The following SCYL1 variants were observed in gnomAD, a reference collection of about 807,000 sequenced individuals.
SCYL1 encodes N-terminal kinase-like protein.
In SCYL1, 85 loss-of-function variants were observed where a neutral mutation model predicts 94.8. The observed-to-expected ratio is 0.90, with a 90% CI of 0.75 to 1.07. The LOEUF is 1.07. Ranked by LOEUF, SCYL1 falls within the 50% of genes least tolerant of loss-of-function variation. The pLI, the probability that SCYL1 is intolerant of heterozygous loss-of-function variation, is 0.00. For synonymous variants in SCYL1, 459 were observed against 435.5 expected, an observed-to-expected ratio of 1.05 and a Z score of -0.67; for missense variants, 968 against 1,083.3, an observed-to-expected ratio of 0.89 and a Z score of 1.49.
Position 65,538,431 on chromosome 11 carries a change from C to G in SCYL1, c.2303-11C>G. 2 of 1,546,986 alleles carry G rather than the reference C, an allele frequency of 1.3e-6. No homozygotes were observed. Among genetic ancestry groups the G allele is most frequent in the Non-Finnish European group, 1.7e-6 (2 of 1,145,298 alleles). Reference sequence around the variant, plus strand: ...GAGAGCTGAGACCGGGGCTCCCCTTCCTGACGCCAGGACAGGTCAAGGCTG... The same window carrying G: ...GAGAGCTGAGACCGGGGCTCCCCTTGCTGACGCCAGGACAGGTCAAGGCTG... On this transcript the variant is annotated splice_polypyrimidine_tract_variant and intron_variant, in intron 17 of 17. Transcript: ENST00000270176.
chr11:65,536,318 C>A lies in SCYL1; in HGVS notation c.1635C>A (p.Thr545=). 1 of 1,614,082 alleles carries A rather than the reference C, an allele frequency of 6.2e-7. No individual in the cohort carries two copies. The highest frequency in any genetic ancestry group is 8.5e-7 in the Non-Finnish European group (1 of 1,179,962). The change falls in exon 12 of 18, where the codon ACC becomes ACA. Residue 545 remains threonine (T), a synonymous_variant. Coordinates refer to ENST00000270176, the MANE Select transcript of SCYL1 (RefSeq NM_020680.4). ...TGGAGTCTGTGTCGGAGGACCCGAC[C>A]CAGCTGGAGGAAGTGGGTGAGTGGC... ...SKLESVSEDP[T]QLEEVEKDVH...
rs746855699 is a variant in SCYL1 at position 65,526,951 on chromosome 11, CT to C, written c.694-10del. Reference sequence around the variant, plus strand: ...GCTACCCCTGCCCTGACACTGACCCCTCCCCTACAGATCCCCAAAACGCTGG... The same window carrying C: ...GCTACCCCTGCCCTGACACTGACCCCCCCCTACAGATCCCCAAAACGCTGG... On this transcript the variant is annotated splice_polypyrimidine_tract_variant and intron_variant, in intron 5 of 17. Transcript: ENST00000270176. The surrounding 1 kb of genome is among the most constrained non-coding windows in gnomAD (Gnocchi z 4.1). The C allele has an allele frequency of 3.7e-6, 6 of 1,610,920 alleles. No homozygotes were observed. In the South Asian group the frequency reaches 6.6e-5, roughly 18 times the overall value.
In SCYL1 at chr11:65,526,924, T is replaced by C. The variant is rs1254220927; in HGVS notation, c.694-38T>C. Reference sequence around the variant, plus strand: ...GCCCTGCCTCAGCCCCTCTGCCAGCTGGCTACCCCTGCCCTGACACTGACC... The same window carrying C: ...GCCCTGCCTCAGCCCCTCTGCCAGCCGGCTACCCCTGCCCTGACACTGACC... On this transcript the variant is annotated intron_variant, in intron 5 of 17. Transcript: ENST00000270176. The surrounding 1 kb of genome is among the most constrained non-coding windows in gnomAD (Gnocchi z 4.1). 8.7e-6 allele frequency: 14 copies of C among 1,610,078 alleles called. No individual in the cohort carries two copies. Among genetic ancestry groups the C allele is most frequent in the East Asian group, 6.7e-5 (3 of 44,758 alleles).
rs770286187 is a variant in SCYL1, at chr11:65,532,751, C to T, written c.1176C>T (p.His392=). The change falls in exon 9 of 18, where the codon CAC becomes CAT. Residue 392 remains histidine, a synonymous_variant. Coordinates refer to ENST00000270176, the MANE Select transcript of SCYL1 (RefSeq NM_020680.4). ...EPTVNTQIFP[H]VVHGFLDTNP... is the part of the protein sequence containing the mutation. The stretch of plus-strand genomic sequence containing the variant: ...CAGTCAACACCCAGATCTTCCCCCA[C>T]GTCGTACATGGCTTCCTGGACACCA... The T allele has an allele frequency of 3.0e-5, 48 of 1,614,052 alleles. No homozygotes were observed. The highest frequency in any genetic ancestry group is 2.1e-4 in the South Asian group (19 of 91,092).
At chr11:65,535,087 A>ACAGGGC in intron 9 of SCYL1, 140 bp from the exon 10 acceptor site, 2 of 1,046,802 alleles carry the variant, frequency 1.9e-6, no homozygotes, top group Non-Finnish European at 2.7e-6. Context: ...AACATGCTGG[A>ACAGGGC]CAGGGCCAGG....
chr11:65,532,648 T>C (rs1590733987), intron 8 of SCYL1, 44 bp from the exon 9 acceptor site: 25 of 1,481,102 alleles, frequency 1.7e-5, no homozygotes, highest in Non-Finnish European at 2.4e-5. Context: ...GGGGATAGAG[T>C]GGGAAGGGCT....
intron 14 of SCYL1, 91 bp from the exon 15 acceptor site, chr11:65,537,716 CAG>C: frequency 8.9e-7 from 1 of 1,120,408 alleles, no homozygotes; most frequent in Non-Finnish European, 1.3e-6. Flanking sequence ...AGGCAAAAGA[CAG>C]TGGTGGGGCC....
chr11:65,526,448 T>C lies in SCYL1; in HGVS notation c.602+98T>C. ...TAGTTGGCACTCCCCTGTTCCCTGC[T>C]GCCTGGCTGGGGAGGGAATCAGTGT... On this transcript the variant is annotated intron_variant, in intron 4 of 17. Transcript: ENST00000270176. The surrounding 1 kb of genome is among the most constrained non-coding windows in gnomAD (Gnocchi z 4.1). 1 of 990,016 alleles carries C rather than the reference T, an allele frequency of 1.0e-6. No homozygotes were observed. The highest frequency in any genetic ancestry group is 1.5e-6 in the Non-Finnish European group (1 of 675,386). 61.3% of individuals were successfully genotyped at this position (990,016 alleles called of 1,614,324 possible). A position where few individuals can be genotyped will look rare whatever the true frequency, so the allele number is the denominator to read the frequency against.
At chr11:65,527,197 T>C (rs1002061021) in intron 6 of SCYL1, 80 bp downstream of exon 6, 17 of 1,509,228 alleles carry the variant, frequency 1.1e-5, no homozygotes, top group African/African-American at 5.5e-5. Flanking sequence ...TACCTCACAA[T>C]TGACCCTCAG....
In SCYL1 at chr11:65,538,422, G is replaced by A. The variant is rs1417178133; in HGVS notation, c.2303-20G>A. On this transcript the variant is annotated intron_variant, in intron 17 of 17. Transcript: ENST00000270176. ...CACTGGCTGGAGAGCTGAGACCGGG[G>A]CTCCCCTTCCTGACGCCAGGACAGG... 6.5e-7 allele frequency: 1 copy of A among 1,544,422 alleles called. No individual in the cohort carries two copies. Among genetic ancestry groups the A allele is most frequent in the Admixed American group, 2.0e-5 (1 of 50,964 alleles).
chr11:65,527,597 G>T (rs1855148642), intron 6 of SCYL1, among the ~76,000 whole-genome samples: 1 of 151,908 alleles, frequency 6.6e-6, no homozygotes, highest in Non-Finnish European at 1.5e-5. Flanking sequence ...AAAATCAGCT[G>T]GGCGGGCATC....
chr11:65,528,256 C>T (rs1177774411), intron 6 of SCYL1, among the ~76,000 whole-genome samples: 1 of 150,226 alleles, frequency 6.7e-6, no homozygotes, highest in African/African-American at 2.5e-5. Context: ...CAGCTGACGA[C>T]ATGGAGAAAC....
intron 14 of SCYL1, 22 bp downstream of exon 14, chr11:65,537,150 TCCCCAGGGGA>T: frequency 6.2e-7 from 1 of 1,612,848 alleles, no homozygotes; most frequent in African/African-American, 1.3e-5. Context: ...TGAGGGAGCC[TCCCCAGGGGA>T]CCCCAGCTCA....
At chr11:65,525,483 G>T (rs1855026777) in intron 1 of SCYL1, 91 bp from the exon 2 acceptor site, 1 of 1,503,660 alleles carries the variant, frequency 6.7e-7, no homozygotes, top group Non-Finnish European at 8.9e-7. Flanking sequence ...TGTCCCTAAG[G>T]CTGACCTGGG....
intron 6 of SCYL1, among the ~76,000 whole-genome samples, chr11:65,530,181 C>T (rs1328277760): frequency 6.6e-6 from 1 of 152,158 alleles, no homozygotes; most frequent in Non-Finnish European, 1.5e-5. Context: ...GGCAGGGAAA[C>T]CAAGTAAGCC....
chr11:65,536,876 C>A, intron 13 of SCYL1, 110 bp from the exon 14 acceptor site: 2 of 1,310,808 alleles, frequency 1.5e-6, no homozygotes, highest in South Asian at 1.3e-5. Context: ...AGGCTCCAGT[C>A]ACCCTGTGGG....
intron 9 of SCYL1, among the ~76,000 whole-genome samples, chr11:65,533,980 A>G (rs776626530): frequency 1.1e-4 from 16 of 152,136 alleles, no homozygotes; most frequent in Non-Finnish European, 2.2e-4. Context: ...CTGTAATCCC[A>G]GACTTTGGGA....
Position 65,530,708 on chromosome 11 carries a change from G to A in SCYL1, c.929G>A (p.Arg310Gln), listed in dbSNP as rs200624740. The A allele has an allele frequency of 1.4e-4, 224 of 1,613,954 alleles. No homozygotes were observed. The African/African-American group carries it at 1.4e-3, about 10-fold the overall frequency. Reference sequence around the variant, plus strand: ...GACGCATTCCCTGAGGATTTCTGTCGGCACAAGGTGCTGCCCCAGCTGCTG... The same window carrying A: ...GACGCATTCCCTGAGGATTTCTGTCAGCACAAGGTGCTGCCCCAGCTGCTG... ...SLDAFPEDFC[R>Q]HKVLPQLLTA... The change falls in exon 7 of 18, where the codon CGG (arginine) becomes CAG (glutamine). Residue 310 changes from arginine to glutamine, a missense_variant. By Grantham distance (43) the Arg-to-Gln change is conservative (BLOSUM62 1). Transcript: ENST00000270176.
rs184839972 is a variant in SCYL1 at position 65,527,238 on chromosome 11, A to G, written c.849+121A>G. The stretch of plus-strand genomic sequence containing the variant: ...AAGCATGGACTGTGGAGTTAGGCCA[A>G]TCCGGGTTCAAACCCAGGCTCCAGC... On this transcript the variant is annotated intron_variant, in intron 6 of 17. Coordinates refer to ENST00000270176, the MANE Select transcript of SCYL1 (RefSeq NM_020680.4). 129 of 1,126,806 alleles carry G rather than the reference A, an allele frequency of 1.1e-4. No homozygotes were observed. In the East Asian group the frequency reaches 2.5e-3, roughly 22 times the overall value. The allele number at this position is 1,126,806 out of a possible 1,614,324, so 69.8% of individuals were successfully genotyped here.
Sources: allele counts gnomAD v4.1 joint callset (sites outside exome capture counted in the v4.1 genomes callset), GRCh38; gene constraint gnomAD v4.1.1; non-coding constraint Gnocchi (gnomAD v3.1); transcripts MANE v1.5; gene names NCBI Gene and HGNC (gene_info 2026-07-23, HGNC 2026-07-21).